The following DNAH9 variants were observed in gnomAD, a reference collection of about 807,000 sequenced individuals.
DNAH9 encodes the protein dynein axonemal heavy chain 9.
In DNAH9, 345 loss-of-function variants were observed where a neutral mutation model predicts 471.6. The ratio of observed to expected loss-of-function variants is 0.73; its 90% CI spans 0.67 to 0.80. The LOEUF is 0.80. Ranked by LOEUF, DNAH9 falls within the 30% of genes least tolerant of loss-of-function variation. The pLI, the probability that DNAH9 is intolerant of heterozygous loss-of-function variation, is 0.00. For synonymous variants in DNAH9, 2,093 were observed against 2,123.6 expected (o/e 0.99, Z 0.40); for missense variants, 5,407 against 5,609.2 (o/e 0.96, Z 1.15).
chr17:11,879,518 A>G (rs1972631807), intron 53 of DNAH9, among the ~76,000 whole-genome samples: 1 of 152,294 alleles, frequency 6.6e-6, no homozygotes, highest in Non-Finnish European at 1.5e-5. Flanking sequence ...GAGTTGTATT[A>G]TATCAGTTTT....
chr17:11,878,745 G>T (rs147813911), intron 53 of DNAH9, among the ~76,000 whole-genome samples: 4 of 152,142 alleles, frequency 2.6e-5, no homozygotes, highest in Non-Finnish European at 4.4e-5. Context: ...TGTAGAGAGG[G>T]TGTCTCACCA....
chr17:11,854,327 G>T lies in DNAH9; in HGVS notation c.9832G>T (p.Val3278Leu). 1 of 1,614,102 alleles carries T rather than the reference G, an allele frequency of 6.2e-7. No individual in the cohort carries two copies. The highest frequency in any genetic ancestry group is 8.5e-7 in the Non-Finnish European group (1 of 1,180,030). ...CATCAATATTGTGAGATTTTATGAGGTGTTCTGTGATGTGGAACCCAAGCG... is the reference window on the plus strand; with the variant it reads ...CATCAATATTGTGAGATTTTATGAGTTGTTCTGTGATGTGGAACCCAAGCG... The part of the protein sequence containing the change: ...WVINIVRFYE[V>L]FCDVEPKRQA... Residue 3278 changes from valine (V) to leucine (L), a missense_variant, in exon 50 of 69, where the codon GTG becomes TTG. By Grantham distance (32) the Val-to-Leu change is conservative. Around this residue, in one of 3 missense-constraint regions of DNAH9, gnomAD observed 4,636 missense variants for 4,900.3 expected, o/e 0.95. Transcript: ENST00000262442.
intron 2 of DNAH9, among the ~76,000 whole-genome samples, chr17:11,608,958 G>A (rs889679128): frequency 6.6e-6 from 1 of 152,072 alleles, no homozygotes; most frequent in Non-Finnish European, 1.5e-5. Context: ...GCTGACTTTC[G>A]AGTTTTCTTT....
chr17:11,870,215 T>G (rs559483927), intron 51 of DNAH9, among the ~76,000 whole-genome samples: 6 of 152,306 alleles, frequency 3.9e-5, no homozygotes, highest in South Asian at 2.1e-4. Context: ...CAGTCACAGA[T>G]TAAAGGGCAG....
At chr17:11,911,053 T>C (rs1973779045) in intron 61 of DNAH9, among the ~76,000 whole-genome samples, 1 of 152,208 alleles carries the variant, frequency 6.6e-6, no homozygotes. Context: ...AAAATACAAT[T>C]TATCTATGTT....
intron 50 of DNAH9, among the ~76,000 whole-genome samples, chr17:11,864,233 A>C (rs1238546293): frequency 6.8e-6 from 1 of 146,844 alleles, no homozygotes; most frequent in Non-Finnish European, 1.5e-5. Flanking sequence ...CTTTATTCTC[A>C]TTGGTTTCAA....
At chr17:11,903,827 C>G (rs961800084) in intron 60 of DNAH9, among the ~76,000 whole-genome samples, 1 of 152,214 alleles carries the variant, frequency 6.6e-6, no homozygotes, top group African/African-American at 2.4e-5. Flanking sequence ...AGGAGAATGG[C>G]TTGAACCTGG....
In DNAH9 at chr17:11,797,770, C is replaced by T. The variant is rs1233408982; in HGVS notation, c.8397C>T (p.Leu2799=). 1.2e-6 allele frequency: 2 copies of T among 1,613,836 alleles called. No homozygotes were observed. The highest frequency in any genetic ancestry group is 1.1e-5 in the South Asian group (1 of 91,002). ...TCAACACAGTGATGGACCTAGTTCT[C>T]TTTGAGGATGCCATGCGCCATGTGT... The part of the protein sequence containing the change: ...NEVNTVMDLV[L]FEDAMRHVCH... Residue 2799 remains leucine, a synonymous_variant, in exon 43 of 69, where the codon CTC becomes CTT. Coordinates refer to ENST00000262442, the MANE Select transcript of DNAH9 (RefSeq NM_001372.4).
At chr17:11,880,868 AG>A (rs2150995137) in intron 54 of DNAH9, among the ~76,000 whole-genome samples, 1 of 152,308 alleles carries the variant, frequency 6.6e-6, no homozygotes, top group Admixed American at 6.5e-5. Context: ...TGGCGTATAA[AG>A]CACGTTTGTG....
intron 43 of DNAH9, among the ~76,000 whole-genome samples, chr17:11,799,494 C>T (rs1411644489): frequency 2.0e-5 from 3 of 151,960 alleles, no homozygotes; most frequent in Admixed American, 1.3e-4. Flanking sequence ...TCCTTTTTAA[C>T]CACCATAGAC....
chr17:11,914,986 C>T (rs776502074), intron 61 of DNAH9, among the ~76,000 whole-genome samples: 9 of 152,134 alleles, frequency 5.9e-5, no homozygotes, highest in Non-Finnish European at 1.2e-4. Flanking sequence ...ACACCTCTTC[C>T]ACCACCCACA....
chr17:11,679,871 A>G lies in DNAH9; in HGVS notation c.3468A>G (p.Lys1156=), dbSNP rs1228540375. ...VEIMGHLMAV[K]ERQSNTDEMF... Reference sequence around the variant, plus strand: ...TCATGGGACACCTTATGGCTGTTAAAGAACGGCAGAGTAACACTGATGAGA... The same window carrying G: ...TCATGGGACACCTTATGGCTGTTAAGGAACGGCAGAGTAACACTGATGAGA... The change falls in exon 18 of 69, where the codon AAA becomes AAG. Residue 1156 remains lysine (K), a synonymous_variant. Coordinates refer to ENST00000262442, the MANE Select transcript of DNAH9 (RefSeq NM_001372.4). 1 of 1,614,172 alleles carries G rather than the reference A, an allele frequency of 6.2e-7. No individual in the cohort carries two copies. The highest frequency in any genetic ancestry group is 1.1e-5 in the South Asian group (1 of 91,080).
chr17:11,943,375 C>T (rs985755737), intron 67 of DNAH9, among the ~76,000 whole-genome samples: 4 of 151,972 alleles, frequency 2.6e-5, no homozygotes, highest in Non-Finnish European at 4.4e-5. Flanking sequence ...GATGATGAAA[C>T]GGACTGCAAA....
intron 50 of DNAH9, among the ~76,000 whole-genome samples, chr17:11,866,181 A>G (rs1022179176): frequency 2.0e-5 from 3 of 150,608 alleles, no homozygotes; most frequent in African/African-American, 7.3e-5. Flanking sequence ...ATGGTGATGT[A>G]CAGATGGGTT....
chr17:11,634,104 T>C (rs139655608), intron 8 of DNAH9, among the ~76,000 whole-genome samples: 1 of 152,218 alleles, frequency 6.6e-6, no homozygotes, highest in Non-Finnish European at 1.5e-5. Context: ...GCACTGCTTG[T>C]ACCCAGAGTT....
intron 64 of DNAH9, 30 bp from the exon 65 acceptor site, chr17:11,933,850 C>T (rs777971556): frequency 6.3e-7 from 1 of 1,591,986 alleles, no homozygotes; most frequent in East Asian, 2.2e-5. Context: ...GTCTTTCTTC[C>T]TTCCTCTCTT....
At chr17:11,847,849 C>A (rs1446733372) in intron 49 of DNAH9, among the ~76,000 whole-genome samples, 3 of 152,100 alleles carry the variant, frequency 2.0e-5, no homozygotes, top group Non-Finnish European at 4.4e-5. Context: ...TTTGGCCATG[C>A]TGAGTATCAG....
intron 20 of DNAH9, among the ~76,000 whole-genome samples, chr17:11,693,104 G>A (rs2074362545): frequency 6.7e-6 from 1 of 149,094 alleles, no homozygotes; most frequent in Non-Finnish European, 1.5e-5. Context: ...TAGTAGAGAC[G>A]GGGTTTCACC....
chr17:11,619,751 T>C lies in DNAH9; in HGVS notation c.1320T>C (p.Asp440=), dbSNP rs745928952. 1.9e-6 allele frequency: 3 copies of C among 1,613,478 alleles called. No homozygotes were observed. Among genetic ancestry groups the C allele is most frequent in the Admixed American group, 1.7e-5 (1 of 60,020 alleles). The change falls in exon 6 of 69, where the codon GAT becomes GAC. Residue 440 remains aspartate (D), a synonymous_variant. Transcript: ENST00000262442. ...CTTCTTTGGTCTTTGTGCGATTGGA[T>C]GGCTTCCTGGGACAACTGCACGTGG... ...FQSSLVFVRL[D]GFLGQLHVVE... is the part of the protein sequence containing the mutation.
Sources: gnomAD v4.1 joint callset for allele counts (sites outside exome capture counted in the v4.1 genomes callset) on GRCh38, gnomAD v4.1.1 for gene constraint, gnomAD v4.1.1 regional missense constraint, MANE v1.5 for transcripts, NCBI Gene and HGNC (gene_info 2026-07-23, HGNC 2026-07-21) for gene names.